The following USP32 variants were observed in gnomAD, a reference collection of about 807,000 sequenced individuals.
The protein encoded by USP32 is ubiquitin specific peptidase 32.
In USP32, 59 loss-of-function variants were observed where a neutral mutation model predicts 204.8. The observed-to-expected ratio is 0.29, with a 90% CI of 0.23 to 0.36. The LOEUF is 0.36. Ranked by LOEUF, USP32 falls within the 10% of genes least tolerant of loss-of-function variation. The pLI is 1.00. For missense variants in USP32, 1,160 were observed against 1,946.4 expected (o/e 0.60, Z 7.60); for synonymous variants, 517 against 678.4 (o/e 0.76, Z 3.70).
intron 31 of USP32, among the ~76,000 whole-genome samples, chr17:60,182,377 G>A (rs367577366): frequency 2.6e-5 from 4 of 152,288 alleles, no homozygotes; most frequent in African/African-American, 9.6e-5. Context: ...TCAAAGTGAC[G>A]ATATTATTCC....
At chr17:60,333,536 G>A (rs150770135) in intron 2 of USP32, among the ~76,000 whole-genome samples, 301 of 152,178 alleles carry the variant, frequency 2.0e-3, no homozygotes, top group African/African-American at 7.0e-3. Flanking sequence ...GGAGGTGGAG[G>A]TTACAGTGAG....
chr17:60,374,897 G>C (rs1011629129), intron 1 of USP32, among the ~76,000 whole-genome samples: 9 of 152,112 alleles, frequency 5.9e-5, no homozygotes, highest in African/African-American at 2.2e-4. Flanking sequence ...GACTGTATAG[G>C]TATGTATAAC....
At position 60,398,288 on chromosome 17, in the gene USP32, C is replaced by G. The variant is rs560188531; in HGVS notation, c.106+23958G>C. On this transcript the variant is annotated intron_variant, in intron 1 of 3. Transcript: ENST00000588898. ...GTGTACCTCTGTAGTCTCAGCTACT[C>G]AGGAACCTGAGGTGGGAGGATCACT... is the stretch of plus-strand genomic sequence containing the variant. Among the ~76,000 whole-genome samples, 4 of 152,216 alleles carry G rather than the reference C, an allele frequency of 2.6e-5. No homozygotes were observed. In the East Asian group the frequency reaches 7.7e-4, roughly 29 times the overall value.
chr17:60,198,186 G>T, intron 27 of USP32, 74 bp downstream of exon 27: 2 of 1,555,392 alleles, frequency 1.3e-6, no homozygotes, highest in South Asian at 2.5e-5. Flanking sequence ...GGTCCTATCA[G>T]TCATGTAGAA....
At chr17:60,240,926 G>T (rs773657814) in intron 11 of USP32, among the ~76,000 whole-genome samples, 1 of 152,188 alleles carries the variant, frequency 6.6e-6, no homozygotes, top group African/African-American at 2.4e-5. Context: ...TAAATTCTGA[G>T]TTAAGTATAA....
At chr17:60,329,898 T>C (rs888561465) in intron 2 of USP32, among the ~76,000 whole-genome samples, 2 of 152,216 alleles carry the variant, frequency 1.3e-5, no homozygotes, top group Non-Finnish European at 2.9e-5. Flanking sequence ...TCTATTTAAA[T>C]ACACAACTAC....
Position 60,181,477 on chromosome 17 carries a change from C to T in USP32, c.4395G>A (p.Glu1465=). 6.2e-7 allele frequency: 1 copy of T among 1,614,012 alleles called. No individual in the cohort carries two copies. Among genetic ancestry groups the T allele is most frequent in the South Asian group, 1.1e-5 (1 of 91,076 alleles). ...QPELVTPQDH[E]VALANGFLYE... ...AAAGGAATCCATTGGCCAAAGCTAC[C>T]TCATGGTCCTGAGGAGTGACCAACT... Residue 1465 remains glutamate (E), a synonymous_variant, in exon 32 of 34, where the codon GAG becomes GAA. Transcript: ENST00000300896.
chr17:60,241,289 G>A (rs926310835), intron 11 of USP32, among the ~76,000 whole-genome samples: 4 of 152,074 alleles, frequency 2.6e-5, no homozygotes, highest in African/African-American at 4.8e-5. Context: ...GTGAGCCAAC[G>A]CACCCAGCCT....
intron 12 of USP32, among the ~76,000 whole-genome samples, chr17:60,233,953 A>G (rs1212386565): frequency 6.6e-6 from 1 of 151,666 alleles, no homozygotes; most frequent in African/African-American, 2.4e-5. Flanking sequence ...GCCTTTATTT[A>G]TTCATTTATG....
chr17:60,398,628 T>G (rs372803199), intron 1 of USP32, among the ~76,000 whole-genome samples: 11 of 152,250 alleles, frequency 7.2e-5, no homozygotes, highest in South Asian at 6.2e-4. Flanking sequence ...AAAGCACTTT[T>G]TGTGTGCTAA....
chr17:60,257,024 G>T, intron 9 of USP32: 1 of 244,826 alleles, frequency 4.1e-6, no homozygotes, highest in Non-Finnish European at 8.2e-6. Context: ...GCAGAAAACC[G>T]GCAGCTGTGA....
At position 60,181,533 on chromosome 17, in the gene USP32, G is replaced by T; in HGVS notation, c.4339C>A (p.Arg1447=). The part of the protein sequence containing the change: ...QICELADALS[R]GHVLGGSQPE... ...TGGCTGCCCCCCAGCACATGCCCTC[G>T]ACTCAAGGCGTCAGCCAGCTCACAT... is the stretch of plus-strand genomic sequence containing the variant. Residue 1447 remains arginine, a synonymous_variant, in exon 32 of 34, where the codon CGA becomes AGA. Coordinates refer to ENST00000300896, the MANE Select transcript of USP32 (RefSeq NM_032582.4). The T allele has an allele frequency of 3.7e-6, 6 of 1,613,970 alleles. No individual in the cohort carries two copies. Among genetic ancestry groups the T allele is most frequent in the Non-Finnish European group, 5.1e-6 (6 of 1,179,870 alleles).
intron 2 of USP32, among the ~76,000 whole-genome samples, chr17:60,302,736 G>A (rs1029857958): frequency 6.6e-6 from 1 of 152,052 alleles, no homozygotes; most frequent in East Asian, 1.9e-4. Context: ...GAAAACTTAC[G>A]CACATTACTT....
chr17:60,210,323 C>A (rs577956218), intron 21 of USP32, among the ~76,000 whole-genome samples: 2 of 139,984 alleles, frequency 1.4e-5, no homozygotes, highest in Non-Finnish European at 3.1e-5. Context: ...TTTTTTTTTT[C>A]TTTTTGGAGA....
intron 1 of USP32, among the ~76,000 whole-genome samples, chr17:60,367,804 T>A (rs1567878517): frequency 1.3e-5 from 2 of 152,080 alleles, no homozygotes; most frequent in Middle Eastern, 3.4e-3. Context: ...TGAGACCCTG[T>A]CTAAAACAAA....
At chr17:60,350,372 T>A (rs2146023987) in intron 1 of USP32, among the ~76,000 whole-genome samples, 1 of 152,288 alleles carries the variant, frequency 6.6e-6, no homozygotes, top group Non-Finnish European at 1.5e-5. Context: ...CACTGCAACC[T>A]CCACCTCCCA....
intron 2 of USP32, among the ~76,000 whole-genome samples, chr17:60,332,577 G>A (rs1053878791): frequency 1.2e-4 from 18 of 152,004 alleles, no homozygotes; most frequent in African/African-American, 4.4e-4. Context: ...GAACCCAGGA[G>A]GCGGAGACTG....
At position 60,292,034 on chromosome 17, in the gene USP32, CAGATCACCAA is replaced by C. The variant is rs555787555; in HGVS notation, c.411+2639_411+2648del. Among the ~76,000 whole-genome samples, 12 of 151,946 alleles carry C rather than the reference CAGATCACCAA, an allele frequency of 7.9e-5. No individual in the cohort carries two copies. In the East Asian group the frequency reaches 2.3e-3, roughly 29 times the overall value. ...AGGACCTACACCAATGACCTACCTG[CAGATCACCAA>C]ATTTAATGATCACTTCTCAGTGATC... On this transcript the variant is annotated intron_variant, in intron 4 of 33. Coordinates refer to ENST00000300896, the MANE Select transcript of USP32 (RefSeq NM_032582.4).
At position 60,210,472 on chromosome 17, in the gene USP32, C is replaced by T. The variant is rs549781267; in HGVS notation, c.2424+541G>A. On this transcript the variant is annotated intron_variant, in intron 21 of 33. Coordinates refer to ENST00000300896, the MANE Select transcript of USP32 (RefSeq NM_032582.4). ...GATTACAAGCATGCACCACTATGCC[C>T]GGCTAATTTTTTTTAGTAGAGACAG... Among the ~76,000 whole-genome samples the T allele has an allele frequency of 5.3e-5, 8 of 152,120 alleles. No individual in the cohort carries two copies. In the South Asian group the frequency reaches 1.0e-3, roughly 20 times the overall value.
Sources: allele counts gnomAD v4.1 joint callset (sites outside exome capture counted in the v4.1 genomes callset), GRCh38; gene constraint gnomAD v4.1.1; transcripts MANE v1.5; gene names NCBI Gene and HGNC (gene_info 2026-07-23, HGNC 2026-07-21).